CENPP: variants seen among roughly 807,000 people sequenced by gnomAD.
CENPP encodes the protein centromere protein P.
CENPP carries 24 observed loss-of-function variants against 35.6 expected under a neutral mutation model. The observed-to-expected ratio is 0.67, with a 90% confidence interval of 0.49 to 0.95. CENPP has a LOEUF of 0.95. Ranked by LOEUF, CENPP falls within the 40% of genes least tolerant of loss-of-function variation. CENPP has a pLI of 0.00. For missense variants in CENPP, 332 were observed against 345.3 expected, an observed-to-expected ratio of 0.96 and a Z score of 0.31; for synonymous variants, 120 against 125.5, an observed-to-expected ratio of 0.96 and a Z score of 0.29.
At chr9:92,482,825 C>CAAACTTCAGATGTACCT (rs1324229316) in intron 5 of CENPP, among the ~76,000 whole-genome samples, 1 of 151,846 alleles carries the variant, frequency 6.6e-6, no homozygotes, top group Non-Finnish European at 1.5e-5. Flanking sequence ...AGTATATACC[C>CAAACTTCAGATGTACCT]AAACTTCAGA....
chr9:92,571,006 T>C (rs1044643611), intron 5 of CENPP, among the ~76,000 whole-genome samples: 1 of 152,198 alleles, frequency 6.6e-6, no homozygotes, highest in Non-Finnish European at 1.5e-5. Context: ...TCTATCAATT[T>C]TGTTGATCTT....
At chr9:92,507,711 A>G (rs568473526) in intron 5 of CENPP, among the ~76,000 whole-genome samples, 27 of 152,324 alleles carry the variant, frequency 1.8e-4, no homozygotes, top group Middle Eastern at 3.4e-3. Context: ...TGTTTCAGTC[A>G]TTAGTGACAA....
At chr9:92,451,079 G>A (rs1466543423) in intron 5 of CENPP, among the ~76,000 whole-genome samples, 7 of 150,320 alleles carry the variant, frequency 4.7e-5, no homozygotes, top group African/African-American at 1.5e-4. Context: ...TTCTTTTGCT[G>A]TGCAGAAGCT....
At chr9:92,327,093 C>A (rs1166227772) in intron 1 of CENPP, among the ~76,000 whole-genome samples, 2 of 152,204 alleles carry the variant, frequency 1.3e-5, no homozygotes, top group African/African-American at 4.8e-5. Flanking sequence ...TTAGCATTAC[C>A]TGGCGGTTTG....
intron 3 of CENPP, chr9:92,340,067 A>G (rs1841062901): frequency 6.5e-6 from 1 of 153,760 alleles, no homozygotes; most frequent in East Asian, 1.9e-4. Context: ...GCACTCTAGT[A>G]TATATGTCCA....
chr9:92,403,130 A>AT, intron 5 of CENPP: 1 of 693,576 alleles, frequency 1.4e-6, no homozygotes, highest in Non-Finnish European at 2.3e-6. Context: ...ATTTAAAGTG[A>AT]TTTTCCCTTC....
intron 5 of CENPP, among the ~76,000 whole-genome samples, chr9:92,450,246 T>A (rs1279224846): frequency 2.7e-5 from 2 of 74,206 alleles, no homozygotes; most frequent in South Asian, 1.1e-3. Flanking sequence ...CCCTCCCCCC[T>A]CCCCCGACCC....
At chr9:92,577,023 G>C (rs1850299472) in intron 5 of CENPP, among the ~76,000 whole-genome samples, 1 of 152,066 alleles carries the variant, frequency 6.6e-6, no homozygotes, top group African/African-American at 2.4e-5. Context: ...AGAATGGTGG[G>C]TATTAAAAAG....
chr9:92,336,990 G>A (rs1027912082), intron 2 of CENPP, among the ~76,000 whole-genome samples: 15 of 152,192 alleles, frequency 9.9e-5, no homozygotes, highest in Non-Finnish European at 1.8e-4. Context: ...GGTTATACTA[G>A]TACATTTCTA....
At chr9:92,479,480 T>C (rs930812396) in intron 5 of CENPP, among the ~76,000 whole-genome samples, 1 of 152,160 alleles carries the variant, frequency 6.6e-6, no homozygotes, top group African/African-American at 2.4e-5. Context: ...GAATAAGAGA[T>C]GAAGACCTTT....
At chr9:92,457,793 CATACATACATATATACATAA>C (rs764594401) in intron 5 of CENPP, among the ~76,000 whole-genome samples, 9 of 152,252 alleles carry the variant, frequency 5.9e-5, no homozygotes, top group Non-Finnish European at 1.3e-4. Flanking sequence ...TACATACGTA[CATACATACATATATACATAA>C]ATACATACAT....
intron 5 of CENPP, among the ~76,000 whole-genome samples, chr9:92,575,238 C>T (rs7848391): frequency 0.49 from 74,291 of 152,010 alleles, 21,612 homozygotes; most frequent in African/African-American, 0.81. Flanking sequence ...GTTTTGTGTA[C>T]TAACAGACAT....
intron 5 of CENPP, chr9:92,517,826 A>G (rs143418555): frequency 3.7e-6 from 6 of 1,614,198 alleles, no homozygotes; most frequent in Non-Finnish European, 5.1e-6. Context: ...GCGACCACAC[A>G]GCTTTGTTGT....
intron 1 of CENPP, among the ~76,000 whole-genome samples, chr9:92,329,270 C>T (rs1011442211): frequency 5.3e-5 from 8 of 151,164 alleles, no homozygotes; most frequent in South Asian, 4.2e-4. Flanking sequence ...CTGCAACCTC[C>T]GCCCCCTGGG....
At chr9:92,481,004 CA>C (rs1468121280) in intron 5 of CENPP, among the ~76,000 whole-genome samples, 2 of 152,170 alleles carry the variant, frequency 1.3e-5, no homozygotes, top group African/African-American at 4.8e-5. Context: ...AGCATTCTGA[CA>C]AAGCATTCTA....
At chr9:92,564,643 G>T (rs1164322652) in intron 5 of CENPP, among the ~76,000 whole-genome samples, 2 of 152,256 alleles carry the variant, frequency 1.3e-5, no homozygotes, top group Admixed American at 1.3e-4. Flanking sequence ...TCCATTCTGT[G>T]GATCAAAAGA....
At chr9:92,523,901 T>C (rs751039253) in intron 5 of CENPP, among the ~76,000 whole-genome samples, 4 of 152,212 alleles carry the variant, frequency 2.6e-5, no homozygotes, top group African/African-American at 4.8e-5. Context: ...CCACAACTTA[T>C]TGTCCCATAT....
intron 5 of CENPP, among the ~76,000 whole-genome samples, chr9:92,484,404 T>C (rs1025920037): frequency 2.6e-5 from 4 of 152,202 alleles, no homozygotes; most frequent in African/African-American, 9.7e-5. Context: ...TTCAGTGACA[T>C]GCTTTTGAGA....
At chr9:92,446,840 G>A (rs1844564409) in intron 5 of CENPP, among the ~76,000 whole-genome samples, 1 of 148,016 alleles carries the variant, frequency 6.8e-6, no homozygotes, top group South Asian at 2.1e-4. Context: ...GAAAAGAAAA[G>A]AAAAACAGAA....
Sources: gnomAD v4.1 joint callset for allele counts (sites outside exome capture counted in the v4.1 genomes callset) on GRCh38, gnomAD v4.1.1 for gene constraint, MANE v1.5 for transcripts, NCBI Gene and HGNC (gene_info 2026-07-23, HGNC 2026-07-21) for gene names.